The following THSD7B variants were observed in gnomAD, a reference collection of about 807,000 sequenced individuals.
THSD7B encodes thrombospondin type 1 domain containing 7B.
A neutral mutation model predicts 213.6 loss-of-function variants in THSD7B; 138 were observed. The ratio of observed to expected loss-of-function variants is 0.65; its 90% CI spans 0.56 to 0.74. The LOEUF (loss-of-function observed/expected upper bound fraction) is 0.74. Among genes scored for constraint, THSD7B ranks in the 30% least tolerant of loss-of-function variants. The pLI, the probability that THSD7B is intolerant of heterozygous loss-of-function variation, is 0.00. For missense variants in THSD7B, 1,931 were observed against 1,991.5 expected (o/e 0.97, Z 0.58); for synonymous variants, 742 against 687.0 (o/e 1.08, Z -1.25).
chr2:136,826,744 A>G (rs890646516), intron 1 of THSD7B, among the ~76,000 whole-genome samples: 3 of 152,170 alleles, frequency 2.0e-5, no homozygotes, highest in Admixed American at 6.5e-5. Context: ...AATAAAAGGA[A>G]TTTCTTCACA....
intron 4 of THSD7B, among the ~76,000 whole-genome samples, chr2:137,105,826 T>A (rs1688237154): frequency 6.6e-6 from 1 of 152,096 alleles, no homozygotes; most frequent in Admixed American, 6.5e-5. Context: ...TACCTAGGAA[T>A]ACAACTTACA....
intron 10 of THSD7B, among the ~76,000 whole-genome samples, chr2:137,247,892 C>G (rs1196149255): frequency 6.6e-6 from 1 of 152,144 alleles, no homozygotes; most frequent in African/African-American, 2.4e-5. Context: ...GTTTCAATTT[C>G]TTCCTTTCCA....
chr2:137,064,401 T>TTATTA (rs1329697619), intron 3 of THSD7B, among the ~76,000 whole-genome samples: 7 of 152,044 alleles, frequency 4.6e-5, no homozygotes, highest in African/African-American at 1.7e-4. Context: ...TGTAATCTGG[T>TTATTA]TATTAATCCC....
chr2:136,989,468 C>A (rs1685725474), intron 2 of THSD7B, among the ~76,000 whole-genome samples: 1 of 152,164 alleles, frequency 6.6e-6, no homozygotes, highest in Non-Finnish European at 1.5e-5. Flanking sequence ...ACACTGGCTG[C>A]CCCTTTGCCT....
At chr2:137,234,420 A>G (rs1325127780) in intron 9 of THSD7B, among the ~76,000 whole-genome samples, 1 of 152,166 alleles carries the variant, frequency 6.6e-6, no homozygotes, top group African/African-American at 2.4e-5. Flanking sequence ...AAGCTCCGTT[A>G]TGGGAAATGA....
At chr2:137,402,649 T>A (rs1352249395) in intron 12 of THSD7B, among the ~76,000 whole-genome samples, 1 of 151,898 alleles carries the variant, frequency 6.6e-6, no homozygotes, top group East Asian at 1.9e-4. Context: ...AAACCCCATC[T>A]CTACTAAAAA....
chr2:137,183,562 T>TA (rs1199191739), intron 7 of THSD7B, among the ~76,000 whole-genome samples: 2 of 152,118 alleles, frequency 1.3e-5, no homozygotes, highest in Non-Finnish European at 2.9e-5. Flanking sequence ...ATCACGTTCT[T>TA]AAAAAGAATG....
intron 10 of THSD7B, among the ~76,000 whole-genome samples, chr2:137,270,615 G>C (rs1222135390): frequency 1.3e-5 from 2 of 152,112 alleles, no homozygotes; most frequent in African/African-American, 4.8e-5. Context: ...TTGATGACAC[G>C]ACATTGGGAG....
chr2:137,503,632 A>C (rs1428084732), intron 15 of THSD7B, among the ~76,000 whole-genome samples: 1 of 152,218 alleles, frequency 6.6e-6, no homozygotes, highest in African/African-American at 2.4e-5. Context: ...CAGATTACCT[A>C]CTTTCTTGAT....
chr2:136,805,852 G>T (rs756521092), intron 1 of THSD7B, among the ~76,000 whole-genome samples: 18 of 152,178 alleles, frequency 1.2e-4, no homozygotes, highest in Non-Finnish European at 2.2e-4. Flanking sequence ...TCAGGTTAGG[G>T]GGTAGTAACA....
chr2:137,331,040 G>A (rs908598814), intron 12 of THSD7B, among the ~76,000 whole-genome samples: 40 of 152,152 alleles, frequency 2.6e-4, no homozygotes, highest in Non-Finnish European at 5.7e-4. Context: ...GTCCATTGGT[G>A]CATTCACAAA....
intron 5 of THSD7B, among the ~76,000 whole-genome samples, chr2:137,136,961 CA>C (rs1679479219): frequency 6.6e-6 from 1 of 152,112 alleles, no homozygotes; most frequent in African/African-American, 2.4e-5. Context: ...TTGCTTTCGC[CA>C]ATGTTCTCAT....
intron 1 of THSD7B, among the ~76,000 whole-genome samples, chr2:136,840,826 G>A (rs986254390): frequency 2.6e-5 from 4 of 152,052 alleles, no homozygotes; most frequent in Non-Finnish European, 4.4e-5. Flanking sequence ...AGGGGAAAAA[G>A]AAAAATTAAG....
chr2:136,961,489 G>A (rs1685218974), intron 2 of THSD7B, among the ~76,000 whole-genome samples: 2 of 151,914 alleles, frequency 1.3e-5, no homozygotes, highest in Admixed American at 1.3e-4. Flanking sequence ...CAGAGTGCTG[G>A]GATTACAGGC....
chr2:137,131,052 CT>C (rs1354553847), intron 5 of THSD7B, among the ~76,000 whole-genome samples: 1 of 143,510 alleles, frequency 7.0e-6, no homozygotes. Flanking sequence ...TGTTTCCTGA[CT>C]TTTTAATGAT....
chr2:137,420,489 G>A (rs562111484), intron 14 of THSD7B, among the ~76,000 whole-genome samples: 12 of 152,140 alleles, frequency 7.9e-5, no homozygotes, highest in East Asian at 5.8e-4. Context: ...GGAGCTTGCC[G>A]CTTAATGTTT....
At chr2:137,552,433 G>T (rs1015136934) in intron 15 of THSD7B, among the ~76,000 whole-genome samples, 1 of 152,086 alleles carries the variant, frequency 6.6e-6, no homozygotes, top group Non-Finnish European at 1.5e-5. Context: ...GTGAGTGTGG[G>T]CATTAGCTTC....
intron 15 of THSD7B, among the ~76,000 whole-genome samples, chr2:137,485,997 A>G (rs537289951): frequency 1.6e-4 from 25 of 152,236 alleles, no homozygotes; most frequent in African/African-American, 4.3e-4. Context: ...TGAAGGAAGC[A>G]CTAAACATGG....
chr2:137,049,828 C>G (rs1437331043), intron 2 of THSD7B, among the ~76,000 whole-genome samples: 3 of 152,198 alleles, frequency 2.0e-5, no homozygotes, highest in African/African-American at 7.2e-5. Flanking sequence ...TTGTATAACA[C>G]AAACAACAAA....
Sources: allele counts gnomAD v4.1 joint callset (sites outside exome capture counted in the v4.1 genomes callset), GRCh38; gene constraint gnomAD v4.1.1; transcripts MANE v1.5; gene names NCBI Gene and HGNC (gene_info 2026-07-23, HGNC 2026-07-21).